RABGAP1L: variants seen among roughly 807,000 people sequenced by gnomAD.
RABGAP1L encodes rab GTPase-activating protein 1-like.
In RABGAP1L, 63 loss-of-function variants were observed where a neutral mutation model predicts 137.7. The ratio of observed to expected loss-of-function variants is 0.46; its 90% CI spans 0.37 to 0.56. The LOEUF (loss-of-function observed/expected upper bound fraction) is 0.56, where lower values mean the gene tolerates loss of function less well. RABGAP1L is among the 20% of genes least tolerant of loss of function. The pLI, the probability that RABGAP1L is intolerant of heterozygous loss-of-function variation, is 0.00. For missense variants in RABGAP1L, 1,095 were observed against 1,244.0 expected (o/e 0.88, Z 1.80); for synonymous variants, 431 against 433.7 (o/e 0.99, Z 0.08).
chr1:174,343,147 A>G (rs1044261003), intron 11 of RABGAP1L, among the ~76,000 whole-genome samples: 1 of 152,202 alleles, frequency 6.6e-6, no homozygotes, highest in Non-Finnish European at 1.5e-5. Context: ...ACTACATTAA[A>G]CGATTTCTCC....
At chr1:174,587,949 C>T (rs974255115) in intron 13 of RABGAP1L, among the ~76,000 whole-genome samples, 12 of 152,226 alleles carry the variant, frequency 7.9e-5, no homozygotes, top group African/African-American at 1.7e-4. Context: ...CTGCAACCTC[C>T]GCCTCCTGTG....
At chr1:174,438,852 G>GT (rs909935009) in intron 13 of RABGAP1L, among the ~76,000 whole-genome samples, 1 of 147,372 alleles carries the variant, frequency 6.8e-6, no homozygotes, top group South Asian at 2.1e-4. Context: ...CCTACTTTCT[G>GT]TTTTTCAAGG....
intron 10 of RABGAP1L, among the ~76,000 whole-genome samples, chr1:174,282,295 A>G (rs1197262793): frequency 1.3e-5 from 2 of 152,316 alleles, no homozygotes; most frequent in African/African-American, 2.4e-5. Context: ...CCTTGCCAGC[A>G]CTTAGTATCG....
chr1:174,210,192 C>T (rs548395788), intron 1 of RABGAP1L, among the ~76,000 whole-genome samples: 22 of 152,238 alleles, frequency 1.4e-4, no homozygotes, highest in South Asian at 6.2e-4. Context: ...AATGCCCAGA[C>T]GCAGATGAAC....
intron 16 of RABGAP1L, chr1:174,700,821 C>T (rs757194232): frequency 5.8e-4 from 119 of 205,952 alleles, no homozygotes; most frequent in African/African-American, 1.9e-3. Context: ...TGGGATTACT[C>T]GCTTTTTGCC....
intron 13 of RABGAP1L, among the ~76,000 whole-genome samples, chr1:174,584,486 G>T (rs1453570690): frequency 6.6e-6 from 1 of 152,116 alleles, no homozygotes; most frequent in Non-Finnish European, 1.5e-5. Flanking sequence ...CTGGTGCTTT[G>T]GGAGGCCAAG....
chr1:174,472,709 A>AG (rs1238375600), intron 13 of RABGAP1L, among the ~76,000 whole-genome samples: 1 of 152,176 alleles, frequency 6.6e-6, no homozygotes, highest in Non-Finnish European at 1.5e-5. Flanking sequence ...GGTTTTTATC[A>AG]AGAGCCCATC....
intron 13 of RABGAP1L, among the ~76,000 whole-genome samples, chr1:174,539,273 T>A (rs1665156980): frequency 6.6e-6 from 1 of 151,984 alleles, no homozygotes; most frequent in African/African-American, 2.4e-5. Flanking sequence ...ATTTTTTTCA[T>A]TTCTTTTTTT....
At chr1:174,198,880 G>A (rs1377920444) in intron 1 of RABGAP1L, among the ~76,000 whole-genome samples, 2 of 152,212 alleles carry the variant, frequency 1.3e-5, no homozygotes, top group East Asian at 1.9e-4. Context: ...AGGCTGAGGC[G>A]GGTGGATCAC....
chr1:174,419,704 G>A (rs1651027548), intron 13 of RABGAP1L, among the ~76,000 whole-genome samples: 2 of 152,144 alleles, frequency 1.3e-5, no homozygotes, highest in Admixed American at 1.3e-4. Context: ...GTGAGCTAAA[G>A]TTACTTGCCT....
In RABGAP1L at chr1:174,277,889, G is replaced by A. The variant is rs986858528; in HGVS notation, c.1157-724G>A. Among the ~76,000 whole-genome samples, 8 of 152,206 alleles carry A rather than the reference G, an allele frequency of 5.3e-5. No homozygotes were observed. In the South Asian group the frequency reaches 8.3e-4, roughly 16 times the overall value. On this transcript the variant is annotated intron_variant, in intron 9 of 25. Transcript: ENST00000681986. ...TAGTAAGACTGTATTTAGTAAGAATGTAATAAAATTGTTATTGAATTTGAG... is the reference window on the plus strand; with the variant it reads ...TAGTAAGACTGTATTTAGTAAGAATATAATAAAATTGTTATTGAATTTGAG...
intron 12 of RABGAP1L, among the ~76,000 whole-genome samples, chr1:174,378,222 T>C (rs1224737381): frequency 2.0e-5 from 3 of 151,004 alleles, no homozygotes; most frequent in African/African-American, 7.3e-5. Context: ...TCTTTGCTAT[T>C]GTGAATAATG....
intron 13 of RABGAP1L, among the ~76,000 whole-genome samples, chr1:174,482,846 A>G (rs1659249861): frequency 6.6e-6 from 1 of 152,216 alleles, no homozygotes; most frequent in Non-Finnish European, 1.5e-5. Context: ...CATAATTTGA[A>G]AAAGATACCT....
intron 19 of RABGAP1L, among the ~76,000 whole-genome samples, chr1:174,950,640 C>A (rs1434338767): frequency 2.0e-5 from 3 of 152,082 alleles, no homozygotes; most frequent in Non-Finnish European, 4.4e-5. Flanking sequence ...TCTCAGTAAC[C>A]CCCAAATTTC....
Position 174,702,098 on chromosome 1 carries a change from C to T in RABGAP1L, c.2026-15C>T. The T allele has an allele frequency of 6.2e-7, 1 of 1,601,500 alleles. No individual in the cohort carries two copies. The highest frequency in any genetic ancestry group is 8.5e-7 in the Non-Finnish European group (1 of 1,175,650). ...AGCTTCTCATTGCTCCTAAATTTTC[C>T]ACTTTGACTTTTAGGAACAGCTACC... On this transcript the variant is annotated splice_polypyrimidine_tract_variant and intron_variant, in intron 16 of 25. Transcript: ENST00000681986.
intron 20 of RABGAP1L, chr1:174,964,989 A>G (rs1669491091): frequency 6.8e-7 from 1 of 1,476,942 alleles, no homozygotes; most frequent in East Asian, 2.5e-5. Context: ...TGAGGAGGTA[A>G]GTTTTTTTTT....
chr1:174,248,302 ATACT>A (rs1397901224), intron 5 of RABGAP1L, among the ~76,000 whole-genome samples: 1 of 152,168 alleles, frequency 6.6e-6, no homozygotes, highest in Non-Finnish European at 1.5e-5. Flanking sequence ...ACCTAGACTA[ATACT>A]TGGTATGCAG....
rs1006740585 is a variant in RABGAP1L at position 174,909,051 on chromosome 1, C to T, written c.2341-48406C>T. Among the ~76,000 whole-genome samples, 9 of 151,186 alleles carry T rather than the reference C, an allele frequency of 6.0e-5. No individual in the cohort carries two copies. The South Asian group carries it at 1.3e-3, about 21-fold the overall frequency. On this transcript the variant is annotated intron_variant, in intron 19 of 25. Coordinates refer to ENST00000681986, the MANE Select transcript of RABGAP1L (RefSeq NM_001366446.1). ...ACCATTAACCAGGTATGGTGGTATG[C>T]GCCTGTAGTCCCAGCTAATTGGGAG...
chr1:174,779,065 GATAC>G (rs1165698678), intron 18 of RABGAP1L, among the ~76,000 whole-genome samples: 3 of 152,130 alleles, frequency 2.0e-5, no homozygotes, highest in African/African-American at 7.2e-5. Context: ...CAACTTCAGG[GATAC>G]CATTCCCATA....
Sources: allele counts gnomAD v4.1 joint callset (sites outside exome capture counted in the v4.1 genomes callset), GRCh38; gene constraint gnomAD v4.1.1; transcripts MANE v1.5; gene names NCBI Gene and HGNC (gene_info 2026-07-23, HGNC 2026-07-21).